CTNND2: variants seen among roughly 807,000 people sequenced by gnomAD.
CTNND2 encodes the protein catenin delta-2.
In CTNND2, 22 loss-of-function variants were observed where a neutral mutation model predicts 144.4. That is an observed-to-expected ratio of 0.15 (90% confidence interval 0.11 to 0.22). The LOEUF (loss-of-function observed/expected upper bound fraction) is 0.22, where lower values mean the gene tolerates loss of function less well. Ranked by LOEUF, CTNND2 falls within the 10% of genes least tolerant of loss-of-function variation. The pLI is 1.00. For missense variants in CTNND2, 1,353 were observed against 1,618.8 expected (o/e 0.84, Z 2.82); for synonymous variants, 751 against 695.6 (o/e 1.08, Z -1.25).
chr5:11,771,844 T>C (rs1789960425), intron 1 of CTNND2, among the ~76,000 whole-genome samples: 1 of 126,914 alleles, frequency 7.9e-6, no homozygotes, highest in Non-Finnish European at 1.5e-5. Flanking sequence ...GTTAGGATCA[T>C]TGCCTTAAAG....
At chr5:11,730,784 T>G (rs1034565781) in intron 2 of CTNND2, among the ~76,000 whole-genome samples, 3 of 152,232 alleles carry the variant, frequency 2.0e-5, no homozygotes, top group Non-Finnish European at 2.9e-5. Flanking sequence ...GTCCTTGTGA[T>G]AAAACAATTT....
chr5:11,113,342 C>T (rs753643989), intron 13 of CTNND2, among the ~76,000 whole-genome samples: 57 of 152,132 alleles, frequency 3.7e-4, no homozygotes, highest in African/African-American at 1.1e-3. Flanking sequence ...AGCCCACAGC[C>T]GGTTGTGCAT....
At chr5:11,864,700 G>A (rs1795661415) in intron 1 of CTNND2, among the ~76,000 whole-genome samples, 1 of 151,980 alleles carries the variant, frequency 6.6e-6, no homozygotes, top group African/African-American at 2.4e-5. Flanking sequence ...GGCATCCCTG[G>A]ACTTTACAGC....
chr5:11,885,768 T>C (rs1162141298), intron 1 of CTNND2, among the ~76,000 whole-genome samples: 1 of 152,092 alleles, frequency 6.6e-6, no homozygotes, highest in Non-Finnish European at 1.5e-5. Flanking sequence ...GAACAGACCG[T>C]ATGTTAGGCC....
At chr5:11,038,843 T>C (rs1744371424) in intron 16 of CTNND2, among the ~76,000 whole-genome samples, 4 of 152,198 alleles carry the variant, frequency 2.6e-5, no homozygotes, top group African/African-American at 7.2e-5. Context: ...CCTATGTCTA[T>C]ACAGCTGGTT....
At chr5:11,316,613 G>A (rs1275512590) in intron 9 of CTNND2, among the ~76,000 whole-genome samples, 1 of 151,530 alleles carries the variant, frequency 6.6e-6, no homozygotes, top group Non-Finnish European at 1.5e-5. Flanking sequence ...TTAGCATTAG[G>A]TATATCTTCC....
intron 11 of CTNND2, among the ~76,000 whole-genome samples, chr5:11,191,123 G>A (rs1736197849): frequency 1.3e-5 from 2 of 152,204 alleles, no homozygotes; most frequent in African/African-American, 4.8e-5. Context: ...AGCAAGCAGA[G>A]ACAGTGGCCT....
intron 9 of CTNND2, among the ~76,000 whole-genome samples, chr5:11,311,557 A>C (rs1222863821): frequency 4.5e-5 from 4 of 88,850 alleles, no homozygotes; most frequent in African/African-American, 9.0e-5. Flanking sequence ...CCCCACAGGC[A>C]CTCACACTCC....
At chr5:11,348,386 A>G (rs1055678103) in intron 8 of CTNND2, among the ~76,000 whole-genome samples, 5 of 151,568 alleles carry the variant, frequency 3.3e-5, no homozygotes, top group African/African-American at 4.8e-5. Context: ...ACAGAGGTAA[A>G]CAAAATTTCA....
chr5:11,553,179 A>G (rs1053718850), intron 3 of CTNND2, among the ~76,000 whole-genome samples: 4 of 152,128 alleles, frequency 2.6e-5, no homozygotes, highest in Non-Finnish European at 5.9e-5. Context: ...TTACTATCAC[A>G]CAATATTGAA....
Position 11,403,523 on chromosome 5 carries a change from C to G in CTNND2, c.440-6320G>C, listed in dbSNP as rs542652199. Among the ~76,000 whole-genome samples, 3 of 152,174 alleles carry G rather than the reference C, an allele frequency of 2.0e-5. No individual in the cohort carries two copies. The South Asian group carries it at 6.2e-4, about 32-fold the overall frequency. The stretch of plus-strand genomic sequence containing the variant: ...GGAATGTGTACCCAAAGAATTTTAT[C>G]ATGAGTGAGATTGCACATAATATTG... On this transcript the variant is annotated intron_variant, in intron 5 of 21. Coordinates refer to ENST00000304623, the MANE Select transcript of CTNND2 (RefSeq NM_001332.4).
chr5:11,725,395 G>A (rs1041336771), intron 2 of CTNND2, among the ~76,000 whole-genome samples: 8 of 152,058 alleles, frequency 5.3e-5, no homozygotes, highest in African/African-American at 7.2e-5. Context: ...AATACATTGC[G>A]GATCAAATTA....
chr5:11,588,675 C>T, intron 2 of CTNND2: 2 of 766,500 alleles, frequency 2.6e-6, no homozygotes, highest in Non-Finnish European at 3.2e-6. Flanking sequence ...ACAAAAACAA[C>T]ATTCATAATG....
chr5:11,003,047 T>C (rs914818101), intron 18 of CTNND2, among the ~76,000 whole-genome samples: 1 of 152,060 alleles, frequency 6.6e-6, no homozygotes, highest in East Asian at 1.9e-4. Context: ...AGTTTTTTAA[T>C]GTAGCAAGAT....
intron 2 of CTNND2, among the ~76,000 whole-genome samples, chr5:11,608,602 T>G (rs1309878477): frequency 6.6e-6 from 1 of 152,160 alleles, no homozygotes; most frequent in Non-Finnish European, 1.5e-5. Flanking sequence ...ACAAAATATA[T>G]GCTGAGCTCC....
At chr5:11,204,398 G>C (rs142634051) in intron 10 of CTNND2, among the ~76,000 whole-genome samples, 180 of 152,290 alleles carry the variant, frequency 1.2e-3, no homozygotes, top group Non-Finnish European at 2.0e-3. Flanking sequence ...CTAGAACTGA[G>C]AGTATCTAAA....
At chr5:11,689,801 G>T (rs892927582) in intron 2 of CTNND2, among the ~76,000 whole-genome samples, 10 of 152,210 alleles carry the variant, frequency 6.6e-5, no homozygotes, top group African/African-American at 2.2e-4. Flanking sequence ...TAATGAAAAT[G>T]ATTTCCTTCA....
intron 9 of CTNND2, among the ~76,000 whole-genome samples, chr5:11,334,658 CAA>C (rs1753554597): frequency 6.6e-6 from 1 of 152,148 alleles, no homozygotes; most frequent in Non-Finnish European, 1.5e-5. Context: ...GGCTGCATTT[CAA>C]AGATGGGGGA....
At chr5:11,312,257 T>C (rs910453315) in intron 9 of CTNND2, among the ~76,000 whole-genome samples, 9 of 146,188 alleles carry the variant, frequency 6.2e-5, no homozygotes, top group Non-Finnish European at 1.3e-4. Context: ...ACACTCCTCA[T>C]ACATCCTCTC....
Sources: allele counts gnomAD v4.1 joint callset (sites outside exome capture counted in the v4.1 genomes callset), GRCh38; gene constraint gnomAD v4.1.1; transcripts MANE v1.5; gene names NCBI Gene and HGNC (gene_info 2026-07-23, HGNC 2026-07-21).